Variants in BMPR1B observed in about 807,000 individuals in gnomAD.
BMPR1B encodes bone morphogenetic protein receptor type-1B.
BMPR1B carries 12 observed loss-of-function variants against 59.1 expected under a neutral mutation model. That is an observed-to-expected ratio of 0.20 (90% CI 0.13 to 0.33). The LOEUF (loss-of-function observed/expected upper bound fraction) is 0.33, where lower values mean the gene tolerates loss of function less well. Ranked by LOEUF, BMPR1B falls within the 10% of genes least tolerant of loss-of-function variation. The probability of loss-of-function intolerance (pLI) is 1.00; values close to 1 mark genes in which losing one functional copy is unlikely to be tolerated. For synonymous variants in BMPR1B, 237 were observed against 207.3 expected, an observed-to-expected ratio of 1.14 and a Z score of -1.23; for missense variants, 550 against 610.9, an observed-to-expected ratio of 0.90 and a Z score of 1.05.
chr4:94,970,880 T>C (rs953855561), intron 2 of BMPR1B, among the ~76,000 whole-genome samples: 3 of 152,156 alleles, frequency 2.0e-5, no homozygotes, highest in African/African-American at 4.8e-5. Context: ...ATTTTTTTTA[T>C]AGCCCTTTAA....
intron 3 of BMPR1B, among the ~76,000 whole-genome samples, chr4:95,010,097 C>T (rs919193703): frequency 2.6e-4 from 40 of 152,230 alleles, no homozygotes; most frequent in Non-Finnish European, 2.4e-4. Flanking sequence ...GTTGTCTGAC[C>T]TGGCTAATTG....
In BMPR1B at chr4:95,157,525, T is replaced by G. The variant is rs1345535570; in HGVS notation, c.*2852T>G. ...TTCAAAGACTAAGAAGAGTTTCTTC[T>G]AACCCCTCCCTCTCAAAGGAATCCT... On this transcript the variant is annotated 3_prime_UTR_variant, in exon 13 of 13. Transcript: ENST00000515059. The G allele has an allele frequency of 6.6e-6, 1 of 152,006 alleles. No homozygotes were observed. The highest frequency in any genetic ancestry group is 1.9e-4 in the East Asian group (1 of 5,188). The allele number at this position is 152,006 out of a possible 1,614,324, so 9.4% of individuals were successfully genotyped here.
intron 3 of BMPR1B, among the ~76,000 whole-genome samples, chr4:95,004,777 G>T (rs1722706357): frequency 6.6e-6 from 1 of 152,014 alleles, no homozygotes; most frequent in Admixed American, 6.6e-5. Flanking sequence ...AGGCTTTTTG[G>T]CAAATTGATC....
chr4:95,072,043 A>AT (rs1579030193), intron 3 of BMPR1B, among the ~76,000 whole-genome samples: 1 of 152,222 alleles, frequency 6.6e-6, no homozygotes, highest in South Asian at 2.1e-4. Context: ...AGGAAATTGG[A>AT]TGGCATGGTT....
chr4:94,761,557 C>T (rs915244019), intron 1 of BMPR1B, among the ~76,000 whole-genome samples: 2 of 151,884 alleles, frequency 1.3e-5, no homozygotes, highest in Non-Finnish European at 2.9e-5. Context: ...ACTCCCAGAA[C>T]AACTGCAAAT....
intron 1 of BMPR1B, among the ~76,000 whole-genome samples, chr4:94,799,088 A>G (rs1044180897): frequency 6.6e-6 from 1 of 150,494 alleles, no homozygotes; most frequent in Non-Finnish European, 1.5e-5. Flanking sequence ...CAGTGAAGCA[A>G]ATGAAAAACA....
chr4:94,974,961 G>T (rs1223661616), intron 2 of BMPR1B, among the ~76,000 whole-genome samples: 1 of 152,168 alleles, frequency 6.6e-6, no homozygotes, highest in Non-Finnish European at 1.5e-5. Context: ...TTTCTCAGTT[G>T]TGCTCTGAGT....
chr4:94,952,212 C>G (rs1398233430), intron 2 of BMPR1B, among the ~76,000 whole-genome samples: 1 of 152,128 alleles, frequency 6.6e-6, no homozygotes, highest in Admixed American at 6.5e-5. Flanking sequence ...AACACCAGCT[C>G]CTGGATTCAT....
intron 3 of BMPR1B, among the ~76,000 whole-genome samples, chr4:95,034,641 TTATATA>T (rs140594794): frequency 6.7e-6 from 1 of 149,556 alleles, no homozygotes; most frequent in Non-Finnish European, 1.5e-5. Flanking sequence ...TATTCCATGT[TTATATA>T]TATATATATA....
chr4:95,087,275 A>T (rs115782901), intron 3 of BMPR1B, among the ~76,000 whole-genome samples: 1 of 152,008 alleles, frequency 6.6e-6, no homozygotes, highest in Non-Finnish European at 1.5e-5. Flanking sequence ...CTTCTAATCA[A>T]TTGTGGAATA....
chr4:95,044,218 G>T (rs1725872365), intron 3 of BMPR1B, among the ~76,000 whole-genome samples: 1 of 152,164 alleles, frequency 6.6e-6, no homozygotes, highest in South Asian at 2.1e-4. Flanking sequence ...TAACTATAGA[G>T]AATTTTTTGA....
At chr4:94,950,052 CT>C (rs959891836) in intron 2 of BMPR1B, among the ~76,000 whole-genome samples, 14 of 152,298 alleles carry the variant, frequency 9.2e-5, no homozygotes, top group African/African-American at 3.4e-4. Flanking sequence ...TGATGATGAG[CT>C]TTTTTTCATG....
chr4:94,962,177 A>C (rs1730395373), intron 2 of BMPR1B, among the ~76,000 whole-genome samples: 1 of 132,332 alleles, frequency 7.6e-6, no homozygotes, highest in African/African-American at 3.0e-5. Context: ...TTGCTCTGTC[A>C]CCGAGGCTGG....
chr4:94,867,491 TCTA>T (rs1379529576), intron 1 of BMPR1B, among the ~76,000 whole-genome samples: 1 of 152,202 alleles, frequency 6.6e-6, no homozygotes. Flanking sequence ...TCTGAGTTCT[TCTA>T]CTCCTCTTTA....
rs186483010 is a variant in BMPR1B at position 94,889,595 on chromosome 4, C to G, written c.-113+13695C>G. ...AGCGGAAGGGCTCATTAGTTCTGTG[C>G]CTCCTTCCTTTTTTCATTGCTCCTG... On this transcript the variant is annotated intron_variant, in intron 2 of 12. Transcript: ENST00000515059. Among the ~76,000 whole-genome samples the G allele has an allele frequency of 5.8e-3, 888 of 152,112 alleles. 3 individuals are homozygous for G. The highest frequency in any genetic ancestry group is 8.8e-3 in the Non-Finnish European group (595 of 67,970).
chr4:95,145,433 T>C (rs966216843), intron 10 of BMPR1B, among the ~76,000 whole-genome samples: 4 of 152,218 alleles, frequency 2.6e-5, no homozygotes, highest in Non-Finnish European at 5.9e-5. Flanking sequence ...ACCCTGCCCT[T>C]TTCTGCCTCC....
intron 2 of BMPR1B, among the ~76,000 whole-genome samples, chr4:94,898,914 A>G (rs1578777300): frequency 6.6e-6 from 1 of 152,088 alleles, no homozygotes; most frequent in Non-Finnish European, 1.5e-5. Context: ...TGCTGTTACA[A>G]ATTACACAAA....
At chr4:94,855,799 A>AGATT (rs1486382244) in intron 1 of BMPR1B, among the ~76,000 whole-genome samples, 2 of 86,958 alleles carry the variant, frequency 2.3e-5, no homozygotes, top group Non-Finnish European at 4.6e-5. Context: ...TGAGTTAATC[A>AGATT]AATTCTTGTG....
chr4:94,895,431 CA>C (rs1330520377), intron 2 of BMPR1B, among the ~76,000 whole-genome samples: 1 of 151,898 alleles, frequency 6.6e-6, no homozygotes, highest in South Asian at 2.1e-4. Flanking sequence ...AGATTTTAGA[CA>C]AACGTATCTA....
Sources: gnomAD v4.1 joint callset for allele counts (sites outside exome capture counted in the v4.1 genomes callset) on GRCh38, gnomAD v4.1.1 for gene constraint, MANE v1.5 for transcripts, NCBI Gene and HGNC (gene_info 2026-07-23, HGNC 2026-07-21) for gene names.